Variants in PEX5L observed in about 807,000 individuals in gnomAD.
The protein encoded by PEX5L is peroxisomal biogenesis factor 5 like.
A neutral mutation model predicts 84.0 loss-of-function variants in PEX5L; 30 were observed. That is an observed-to-expected ratio of 0.36 (90% CI 0.27 to 0.48). The LOEUF (loss-of-function observed/expected upper bound fraction) is 0.48, where lower values mean the gene tolerates loss of function less well. PEX5L is among the 20% of genes least tolerant of loss of function. The pLI is 0.99. For synonymous variants in PEX5L, 270 were observed against 283.1 expected, an observed-to-expected ratio of 0.95 and a Z score of 0.46; for missense variants, 533 against 754.6, an observed-to-expected ratio of 0.71 and a Z score of 3.44.
At chr3:180,024,373 T>TATATATATATATAC (rs1396023654) in intron 1 of PEX5L, among the ~76,000 whole-genome samples, 5 of 78,990 alleles carry the variant, frequency 6.3e-5, no homozygotes, top group South Asian at 3.3e-4. Flanking sequence ...TATATATATA[T>TATATATATATATAC]ACACACACAA....
rs145988495 is a variant in PEX5L, at chr3:179,920,563, C to T, written c.94-22317G>A. Among the ~76,000 whole-genome samples the T allele has an allele frequency of 1.1e-3, 161 of 152,090 alleles. 2 individuals are homozygous for T. In the Middle Eastern group the frequency reaches 0.044, roughly 42 times the overall value. On this transcript the variant is annotated intron_variant, in intron 2 of 14. Transcript: ENST00000467460. ...GTGAACCTTACGTGTTTGATCTCCTCGCAAAAATCTTACAAAATAAAGGTA... is the reference window on the plus strand; with the variant it reads ...GTGAACCTTACGTGTTTGATCTCCTTGCAAAAATCTTACAAAATAAAGGTA...
intron 2 of PEX5L, among the ~76,000 whole-genome samples, chr3:179,966,483 G>A (rs1401693063): frequency 6.6e-6 from 1 of 152,168 alleles, no homozygotes; most frequent in Non-Finnish European, 1.5e-5. Flanking sequence ...GACAAGGCAG[G>A]AACACATATT....
chr3:179,878,606 C>G (rs761003515), intron 5 of PEX5L, among the ~76,000 whole-genome samples: 3 of 152,150 alleles, frequency 2.0e-5, no homozygotes, highest in Admixed American at 6.5e-5. Context: ...TGTGTGAATA[C>G]CTTTCCTTTC....
chr3:179,891,632 A>G (rs1757655568), intron 3 of PEX5L, among the ~76,000 whole-genome samples: 1 of 152,198 alleles, frequency 6.6e-6, no homozygotes, highest in African/African-American at 2.4e-5. Context: ...TAAATGAGGA[A>G]GTGACTTTGC....
intron 5 of PEX5L, among the ~76,000 whole-genome samples, chr3:179,875,992 A>G (rs1752258460): frequency 6.6e-6 from 1 of 152,198 alleles, no homozygotes. Flanking sequence ...TTTTGAATAA[A>G]GCATGTAATT....
chr3:179,816,073 C>T (rs1725970478), intron 9 of PEX5L, 69 bp from the exon 10 acceptor site: 1 of 1,506,478 alleles, frequency 6.6e-7, no homozygotes, highest in East Asian at 2.3e-5. Context: ...TCAATAAGTT[C>T]TCATTAAAAA....
chr3:179,849,403 T>G (rs910027333), intron 8 of PEX5L, among the ~76,000 whole-genome samples: 8 of 152,234 alleles, frequency 5.3e-5, no homozygotes, highest in Non-Finnish European at 1.0e-4. Context: ...TCTGATCTCA[T>G]AGCACATGAA....
intron 1 of PEX5L, among the ~76,000 whole-genome samples, chr3:179,980,571 A>G (rs930908382): frequency 2.0e-5 from 3 of 152,132 alleles, no homozygotes; most frequent in African/African-American, 7.2e-5. Context: ...AACATTATAG[A>G]TAAGATGTGA....
At chr3:179,817,134 C>T (rs1008806795) in intron 9 of PEX5L, among the ~76,000 whole-genome samples, 3 of 152,210 alleles carry the variant, frequency 2.0e-5, no homozygotes, top group African/African-American at 7.2e-5. Flanking sequence ...TTTTTGCCTT[C>T]ACCCTGAACC....
At chr3:180,024,373 T>TATATATATATACAC (rs1396023654) in intron 1 of PEX5L, among the ~76,000 whole-genome samples, 2 of 79,024 alleles carry the variant, frequency 2.5e-5, no homozygotes, top group African/African-American at 1.9e-4. Flanking sequence ...TATATATATA[T>TATATATATATACAC]ACACACACAA....
intron 7 of PEX5L, among the ~76,000 whole-genome samples, chr3:179,862,349 C>T (rs77768073): frequency 0.012 from 1,902 of 152,244 alleles, 39 homozygotes; most frequent in African/African-American, 0.044. Context: ...ACTTTTGGGC[C>T]ACAGTATATT....
chr3:179,878,337 C>A (rs1753130412), intron 5 of PEX5L, among the ~76,000 whole-genome samples: 1 of 152,144 alleles, frequency 6.6e-6, no homozygotes, highest in African/African-American at 2.4e-5. Context: ...GTACTGGTCT[C>A]CTTGCCTCTA....
intron 4 of PEX5L, 87 bp downstream of exon 4, chr3:179,887,586 A>T: frequency 1.2e-6 from 1 of 837,790 alleles, no homozygotes; most frequent in Non-Finnish European, 2.0e-6. Context: ...TTCTTTCCTC[A>T]CTTAAAATGT....
chr3:179,899,184 T>A (rs1230345257), intron 2 of PEX5L, among the ~76,000 whole-genome samples: 2 of 152,246 alleles, frequency 1.3e-5, no homozygotes, highest in Admixed American at 6.5e-5. Flanking sequence ...AGATATGGTA[T>A]AATGGGAAAG....
intron 8 of PEX5L, among the ~76,000 whole-genome samples, chr3:179,830,757 T>C (rs371177840): frequency 6.1e-4 from 93 of 152,118 alleles, no homozygotes; most frequent in South Asian, 8.3e-4. Context: ...GCCTCATTCC[T>C]GGTATCAAAA....
intron 10 of PEX5L, among the ~76,000 whole-genome samples, chr3:179,813,168 G>T (rs1724553602): frequency 6.6e-6 from 1 of 151,932 alleles, no homozygotes; most frequent in Admixed American, 6.6e-5. Context: ...CTTTCTCTGG[G>T]GACGTTTTTC....
Position 179,964,273 on chromosome 3 carries a change from G to C in PEX5L, c.93+7321C>G, listed in dbSNP as rs538005217. Among the ~76,000 whole-genome samples, 3 of 152,034 alleles carry C rather than the reference G, an allele frequency of 2.0e-5. No homozygotes were observed. The South Asian group carries it at 6.2e-4, about 32-fold the overall frequency. ...CGTGGTATTTCCTTTTCTGTTTCCTGGTTAGTTTGCTTAGGAAAATAACCT... is the reference window on the plus strand; with the variant it reads ...CGTGGTATTTCCTTTTCTGTTTCCTCGTTAGTTTGCTTAGGAAAATAACCT... On this transcript the variant is annotated intron_variant, in intron 2 of 14. Coordinates refer to ENST00000467460, the MANE Select transcript of PEX5L (RefSeq NM_016559.3).
intron 9 of PEX5L, among the ~76,000 whole-genome samples, chr3:179,818,592 C>A (rs753931544): frequency 2.6e-5 from 4 of 151,938 alleles, no homozygotes; most frequent in Admixed American, 6.6e-5. Flanking sequence ...TTCCCTACCC[C>A]CCTCCCCTGC....
chr3:179,917,138 T>C (rs1767472564), intron 2 of PEX5L, among the ~76,000 whole-genome samples: 1 of 152,062 alleles, frequency 6.6e-6, no homozygotes, highest in Non-Finnish European at 1.5e-5. Context: ...TGTTAAAAAC[T>C]AAGACACAAA....
Sources: allele counts gnomAD v4.1 joint callset (sites outside exome capture counted in the v4.1 genomes callset), GRCh38; gene constraint gnomAD v4.1.1; transcripts MANE v1.5; gene names NCBI Gene and HGNC (gene_info 2026-07-23, HGNC 2026-07-21).